DNAH9: variants seen among roughly 807,000 people sequenced by gnomAD.
DNAH9 encodes dynein axonemal heavy chain 9.
DNAH9 carries 345 observed loss-of-function variants against 471.6 expected under a neutral mutation model. The observed-to-expected ratio is 0.73, with a 90% CI of 0.67 to 0.80. DNAH9 has a LOEUF of 0.80. Among genes scored for constraint, DNAH9 ranks in the 30% least tolerant of loss-of-function variants. DNAH9 has a pLI of 0.00. For missense variants in DNAH9, 5,407 were observed against 5,609.2 expected, an observed-to-expected ratio of 0.96 and a Z score of 1.15; for synonymous variants, 2,093 against 2,123.6, an observed-to-expected ratio of 0.99 and a Z score of 0.40.
chr17:11,608,415 ACT>A (rs1397906157), intron 2 of DNAH9, 90 bp downstream of exon 2: 1 of 1,001,868 alleles, frequency 1.0e-6, no homozygotes, highest in Non-Finnish European at 1.5e-6. Context: ...TCTGTTCCTG[ACT>A]CTGCACATCT....
chr17:11,823,606 C>G (rs1326540894), intron 48 of DNAH9, among the ~76,000 whole-genome samples: 1 of 152,220 alleles, frequency 6.6e-6, no homozygotes. Context: ...AAGTAGTCAT[C>G]TATCTCTATC....
intron 17 of DNAH9, among the ~76,000 whole-genome samples, chr17:11,678,444 A>G (rs2074083032): frequency 1.3e-5 from 2 of 152,242 alleles, no homozygotes; most frequent in African/African-American, 4.8e-5. Context: ...TTTGTCTGAA[A>G]TGTATTCATT....
intron 61 of DNAH9, among the ~76,000 whole-genome samples, chr17:11,911,394 T>G (rs1451235636): frequency 6.6e-6 from 1 of 152,242 alleles, no homozygotes; most frequent in Non-Finnish European, 1.5e-5. Flanking sequence ...TCTATGTATC[T>G]ATCTGTATGC....
chr17:11,684,311 C>T (rs1192619832), intron 19 of DNAH9, among the ~76,000 whole-genome samples: 1 of 152,174 alleles, frequency 6.6e-6, no homozygotes. Context: ...AGTCAGGTTG[C>T]ATAGGTTGAG....
intron 48 of DNAH9, among the ~76,000 whole-genome samples, chr17:11,828,143 C>A (rs1446357955): frequency 2.6e-5 from 4 of 152,158 alleles, no homozygotes; most frequent in Non-Finnish European, 5.9e-5. Flanking sequence ...CCTCTGTAGT[C>A]TATTCTCAGC....
chr17:11,804,212 A>G (rs903809671), intron 43 of DNAH9, among the ~76,000 whole-genome samples: 6 of 152,272 alleles, frequency 3.9e-5, no homozygotes, highest in Non-Finnish European at 8.8e-5. Context: ...AAATAATTAA[A>G]GTGGAAAAGT....
Position 11,632,649 on chromosome 17 carries a change from G to T in DNAH9, c.1581G>T (p.Gly527=), listed in dbSNP as rs371524835. ...TAGAAGATCTTGACCGAAGATTGGG[G>T]ACTATCTTTATTCAAGCTTTTGATG... ...QKVEDLDRRL[G]TIFIQAFDDA... Residue 527 remains glycine, a synonymous_variant, in exon 8 of 69, where the codon GGG becomes GGT. Coordinates refer to ENST00000262442, the MANE Select transcript of DNAH9 (RefSeq NM_001372.4). 1.2e-6 allele frequency: 2 copies of T among 1,612,244 alleles called. No individual in the cohort carries two copies. The highest frequency in any genetic ancestry group is 1.7e-4 in the Middle Eastern group (1 of 6,056).
Position 11,747,752 on chromosome 17 carries a change from G to A in DNAH9, c.6596G>A (p.Gly2199Glu). Residue 2199 changes from glycine to glutamate, a missense_variant, in exon 32 of 69, where the codon GGA becomes GAA. By Grantham distance (98) the Gly-to-Glu change is moderately conservative. This residue lies in a region of DNAH9 where 4,636 missense variants were observed against 4,900.3 expected (regional missense o/e 0.95). Coordinates refer to ENST00000262442, the MANE Select transcript of DNAH9 (RefSeq NM_001372.4). The stretch of plus-strand genomic sequence containing the variant: ...TTTGGCATCATCAATCCAGCCACAG[G>A]AGAATGGAAGGATGGTAAGAGTGGG... ...ELFGIINPAT[G>E]EWKDGLFSSI... The A allele has an allele frequency of 1.2e-6, 2 of 1,613,806 alleles. No individual in the cohort carries two copies. The highest frequency in any genetic ancestry group is 2.2e-5 in the South Asian group (2 of 91,064).
chr17:11,685,172 G>A lies in DNAH9; in HGVS notation c.3743+4283G>A, dbSNP rs571336144. ...CACCAGCTTTAACCCCGCCCAGGGA[G>A]GCAGTTCACACCTCCCCTAGAACAT... is the stretch of plus-strand genomic sequence containing the variant. On this transcript the variant is annotated intron_variant, in intron 19 of 68. Transcript: ENST00000262442. Among the ~76,000 whole-genome samples the A allele has an allele frequency of 2.4e-4, 37 of 152,270 alleles. No individual in the cohort carries two copies. The East Asian group carries it at 6.8e-3, about 28-fold the overall frequency.
In DNAH9 at chr17:11,643,612, C is replaced by G. The variant is rs542234973; in HGVS notation, c.1902-1019C>G. Among the ~76,000 whole-genome samples the G allele has an allele frequency of 4.6e-5, 7 of 152,256 alleles. No homozygotes were observed. The East Asian group carries it at 1.3e-3, about 29-fold the overall frequency. ...ATTTACACAAACCTATGTCTGTGGT[C>G]TAGAGTATTGTTCCTAGGCTACAAA... On this transcript the variant is annotated intron_variant, in intron 10 of 68. Transcript: ENST00000262442.
chr17:11,664,696 A>T lies in DNAH9; in HGVS notation c.2596-137A>T, dbSNP rs16945154. 9.3e-3 allele frequency: 6,535 copies of T among 700,518 alleles called. 213 individuals carry two copies. The highest frequency in any genetic ancestry group is 0.092 in the East Asian group (3,406 of 36,916). 43.4% of individuals were successfully genotyped at this position (700,518 alleles called of 1,614,324 possible). A position where few individuals can be genotyped will look rare whatever the true frequency, so the allele number is the denominator to read the frequency against. On this transcript the variant is annotated intron_variant, in intron 14 of 68. Transcript: ENST00000262442. ...TGGTAATACTCATTAGGCAGAGTGG[A>T]TTCGATACATGTGTAATAGCAAATT...
At chr17:11,947,301 A>G (rs1017378436) in intron 67 of DNAH9, among the ~76,000 whole-genome samples, 6 of 152,232 alleles carry the variant, frequency 3.9e-5, no homozygotes, top group African/African-American at 1.4e-4. Flanking sequence ...TTCTGTTTCA[A>G]TAACAACTAG....
At chr17:11,599,786 A>G (rs923557607) in intron 1 of DNAH9, among the ~76,000 whole-genome samples, 5 of 152,166 alleles carry the variant, frequency 3.3e-5, no homozygotes, top group African/African-American at 9.7e-5. Context: ...TGAAATAAGG[A>G]TGGGCAGAAT....
rs35385819 is a variant in DNAH9, at chr17:11,803,379, GGT to G, written c.8421-4333_8421-4332del. ...CTGAGAATCTTACCCATTCTCTAGG[GGT>G]GTGTGTGTGTGTGTGTGTGCGCTCG... On this transcript the variant is annotated intron_variant, in intron 43 of 68. Coordinates refer to ENST00000262442, the MANE Select transcript of DNAH9 (RefSeq NM_001372.4). 5.1e-3 allele frequency among the ~76,000 whole-genome samples: 769 copies of G among 150,390 alleles called. 4 individuals are homozygous for G. Among genetic ancestry groups the G allele is most frequent in the African/African-American group, 0.015 (600 of 41,132 alleles).
chr17:11,754,025 G>A (rs565584385), intron 33 of DNAH9, among the ~76,000 whole-genome samples: 5 of 151,886 alleles, frequency 3.3e-5, no homozygotes, highest in South Asian at 2.1e-4. Context: ...TTGTGTTCAC[G>A]AGTTCTCATC....
chr17:11,853,689 T>G (rs1179052799), intron 49 of DNAH9, among the ~76,000 whole-genome samples: 1 of 152,224 alleles, frequency 6.6e-6, no homozygotes, highest in African/African-American at 2.4e-5. Context: ...ATGCTGCATA[T>G]TTCAGAGTAT....
chr17:11,662,486 A>G (rs1489535578), intron 14 of DNAH9, among the ~76,000 whole-genome samples: 2 of 151,940 alleles, frequency 1.3e-5, no homozygotes, highest in Admixed American at 6.6e-5. Flanking sequence ...GCTTTCTGGG[A>G]TTAGAATGAC....
intron 66 of DNAH9, among the ~76,000 whole-genome samples, chr17:11,939,644 T>C (rs1378845110): frequency 6.6e-6 from 1 of 152,152 alleles, no homozygotes; most frequent in Admixed American, 6.6e-5. Flanking sequence ...AGAGAGTATT[T>C]TGTTGTTAAG....
At chr17:11,966,540 T>G (rs1228322459) in intron 68 of DNAH9, among the ~76,000 whole-genome samples, 2 of 152,222 alleles carry the variant, frequency 1.3e-5, no homozygotes, top group Non-Finnish European at 2.9e-5. Context: ...TATAGAATAT[T>G]GACAAAGGCA....
Sources: allele counts gnomAD v4.1 joint callset (sites outside exome capture counted in the v4.1 genomes callset), GRCh38; gene constraint gnomAD v4.1.1; regional missense constraint gnomAD v4.1.1; transcripts MANE v1.5; gene names NCBI Gene and HGNC (gene_info 2026-07-23, HGNC 2026-07-21).